Variants in EAF2 observed in about 807,000 individuals in gnomAD.
The protein encoded by EAF2 is ELL-associated factor 2.
In EAF2, 29 loss-of-function variants were observed where a neutral mutation model predicts 29.4. That is an observed-to-expected ratio of 0.99 (90% CI 0.73 to 1.35). The LOEUF (loss-of-function observed/expected upper bound fraction) is 1.35, where lower values mean the gene tolerates loss of function less well. Among genes scored for constraint, EAF2 ranks in the 40% most tolerant of loss-of-function variants. EAF2 has a pLI of 0.00. For missense variants in EAF2, 292 were observed against 312.0 expected (o/e 0.94, Z 0.48); for synonymous variants, 103 against 102.5 (o/e 1.00, Z -0.03).
intron 1 of EAF2, 127 bp from the exon 2 acceptor site, chr3:121,844,326 G>A: frequency 1.7e-6 from 1 of 581,332 alleles, no homozygotes; most frequent in Non-Finnish European, 3.0e-6. Flanking sequence ...TTTGTAATAT[G>A]AATACTTTAA....
At chr3:121,843,777 T>G (rs1025181241) in intron 1 of EAF2, among the ~76,000 whole-genome samples, 42 of 152,274 alleles carry the variant, frequency 2.8e-4, no homozygotes, top group Middle Eastern at 3.4e-3. Context: ...AAAATTAAAT[T>G]GTATTTTAAG....
intron 4 of EAF2, among the ~76,000 whole-genome samples, chr3:121,869,573 A>G (rs947211013): frequency 1.3e-5 from 2 of 152,206 alleles, no homozygotes; most frequent in African/African-American, 2.4e-5. Context: ...GTAGCCATTA[A>G]AAGTATTATA....
intron 3 of EAF2, among the ~76,000 whole-genome samples, chr3:121,855,892 T>C (rs764996493): frequency 1.4e-4 from 21 of 152,308 alleles, no homozygotes; most frequent in Middle Eastern, 3.4e-3. Flanking sequence ...TAACCAGGGA[T>C]TGGCATGTTT....
In EAF2 at chr3:121,886,423, CA is replaced by C; in HGVS notation, c.*36del. On this transcript the variant is annotated 3_prime_UTR_variant, in exon 6 of 6. Coordinates refer to ENST00000273668, the MANE Select transcript of EAF2 (RefSeq NM_018456.6). ...TAGCTATAAATAAAAATTTATACAG[CA>C]TGTATAATTTATTTTGTATTAACAA... 11 of 1,233,684 alleles carry C rather than the reference CA, an allele frequency of 8.9e-6. No individual in the cohort carries two copies. Among genetic ancestry groups the C allele is most frequent in the Non-Finnish European group, 1.1e-5 (10 of 915,708 alleles). 76.4% of individuals were successfully genotyped at this position (1,233,684 alleles called of 1,614,324 possible).
intron 1 of EAF2, among the ~76,000 whole-genome samples, chr3:121,842,187 A>T (rs1453865655): frequency 6.6e-6 from 1 of 152,120 alleles, no homozygotes; most frequent in East Asian, 1.9e-4. Context: ...CTGTCTCAAA[A>T]AATAATAATA....
chr3:121,845,988 G>C (rs886906639), intron 2 of EAF2, among the ~76,000 whole-genome samples: 2 of 151,940 alleles, frequency 1.3e-5, no homozygotes, highest in African/African-American at 2.4e-5. Flanking sequence ...TCTATTCTCA[G>C]AAAAAAATCA....
At chr3:121,862,217 T>C (rs1399774149) in intron 4 of EAF2, among the ~76,000 whole-genome samples, 2 of 152,240 alleles carry the variant, frequency 1.3e-5, no homozygotes, top group Non-Finnish European at 2.9e-5. Flanking sequence ...AATGTTGGCC[T>C]GCCTTGCTAG....
intron 4 of EAF2, among the ~76,000 whole-genome samples, chr3:121,860,966 T>A (rs536876863): frequency 6.6e-6 from 1 of 152,248 alleles, no homozygotes; most frequent in South Asian, 2.1e-4. Flanking sequence ...TCAGTTTCCA[T>A]GTAGTTGTGC....
chr3:121,859,278 G>A (rs774598934), intron 4 of EAF2, among the ~76,000 whole-genome samples: 4 of 152,022 alleles, frequency 2.6e-5, no homozygotes, highest in Admixed American at 2.0e-4. Context: ...CCATTTTCAC[G>A]ATATTGACTC....
At chr3:121,886,212 T>C (rs1709281191) in intron 5 of EAF2, 130 bp from the exon 6 acceptor site, 1 of 429,126 alleles carries the variant, frequency 2.3e-6, no homozygotes, top group Non-Finnish European at 4.0e-6. Flanking sequence ...GTCACTGAAT[T>C]ACAGAATAAG....
intron 2 of EAF2, among the ~76,000 whole-genome samples, chr3:121,845,165 C>T (rs1244482789): frequency 3.9e-5 from 6 of 152,056 alleles, no homozygotes; most frequent in South Asian, 2.1e-4. Context: ...ATGGGATGGG[C>T]GCGGTGGCTC....
intron 5 of EAF2, among the ~76,000 whole-genome samples, chr3:121,882,502 G>A (rs1047241405): frequency 4.6e-5 from 7 of 151,992 alleles, no homozygotes; most frequent in Admixed American, 4.6e-4. Context: ...TTAAATTCAG[G>A]AACAAGACAA....
intron 2 of EAF2, among the ~76,000 whole-genome samples, chr3:121,853,061 T>C (rs181967516): frequency 1.4e-3 from 207 of 152,330 alleles, no homozygotes; most frequent in African/African-American, 4.8e-3. Flanking sequence ...GCTTTAACAA[T>C]TATCAACATT....
intron 4 of EAF2, among the ~76,000 whole-genome samples, chr3:121,862,671 T>C (rs879656456): frequency 6.6e-6 from 1 of 152,250 alleles, no homozygotes; most frequent in Admixed American, 6.5e-5. Flanking sequence ...AGCCTTCTTC[T>C]CTCTATTCGT....
At chr3:121,844,112 C>A (rs1431482619) in intron 1 of EAF2, among the ~76,000 whole-genome samples, 1 of 152,032 alleles carries the variant, frequency 6.6e-6, no homozygotes, top group Non-Finnish European at 1.5e-5. Flanking sequence ...AACATTCTAC[C>A]TATATCAGTT....
At chr3:121,850,428 C>T (rs1373000762) in intron 2 of EAF2, among the ~76,000 whole-genome samples, 1 of 150,770 alleles carries the variant, frequency 6.6e-6, no homozygotes, top group Non-Finnish European at 1.5e-5. Flanking sequence ...TCCTGGTGTT[C>T]ATAATGAGGC....
At chr3:121,874,417 C>T (rs946200759) in intron 5 of EAF2, among the ~76,000 whole-genome samples, 2 of 151,728 alleles carry the variant, frequency 1.3e-5, no homozygotes, top group African/African-American at 4.8e-5. Flanking sequence ...GAAAACTCAG[C>T]TTGGTTGTAC....
chr3:121,868,803 T>TA (rs1189909789), intron 4 of EAF2, among the ~76,000 whole-genome samples: 3 of 152,188 alleles, frequency 2.0e-5, no homozygotes, highest in African/African-American at 7.2e-5. Flanking sequence ...TCTCAGCAAC[T>TA]AATAGAACTA....
At chr3:121,870,913 A>C (rs1709000161) in intron 4 of EAF2, among the ~76,000 whole-genome samples, 1 of 152,124 alleles carries the variant, frequency 6.6e-6, no homozygotes, top group Admixed American at 6.6e-5. Flanking sequence ...TAGTGAGGGA[A>C]GATATGAAGC....
Sources: allele counts gnomAD v4.1 joint callset (sites outside exome capture counted in the v4.1 genomes callset), GRCh38; gene constraint gnomAD v4.1.1; transcripts MANE v1.5; gene names NCBI Gene and HGNC (gene_info 2026-07-23, HGNC 2026-07-21).